The following SDCBP variants were observed in gnomAD, a reference collection of about 807,000 sequenced individuals.
SDCBP encodes the protein syntenin-1.
A neutral mutation model predicts 30.5 loss-of-function variants in SDCBP; 22 were observed. The ratio of observed to expected loss-of-function variants is 0.72; its 90% CI spans 0.52 to 1.03. SDCBP has a LOEUF of 1.03. SDCBP is among the 50% of genes least tolerant of loss of function. SDCBP has a pLI of 0.00. For missense variants in SDCBP, 304 were observed against 369.9 expected, an observed-to-expected ratio of 0.82 and a Z score of 1.46; for synonymous variants, 103 against 118.7, an observed-to-expected ratio of 0.87 and a Z score of 0.86.
intron 1 of SDCBP, among the ~76,000 whole-genome samples, chr8:58,563,585 ATC>A (rs1804549609): frequency 6.6e-6 from 1 of 151,998 alleles, no homozygotes; most frequent in Admixed American, 6.6e-5. Context: ...AAAAAAAACT[ATC>A]TCATACTGTC....
In SDCBP at chr8:58,581,974, G is replaced by C. The variant is rs946011291; in HGVS notation, c.*234G>C. On this transcript the variant is annotated 3_prime_UTR_variant, in exon 9 of 9. Transcript: ENST00000260130. ...ATGTGAAACTTTCAAGAGATTTACT[G>C]ACTTTCCTAGAATAGTTTCTCTACT... The C allele has an allele frequency of 3.2e-5, 16 of 501,832 alleles. No individual in the cohort carries two copies. The highest frequency in any genetic ancestry group is 1.0e-4 in the Admixed American group (3 of 28,694). The allele number at this position is 501,832 out of a possible 1,614,324, so 31.1% of individuals were successfully genotyped here. A position where few individuals can be genotyped will look rare whatever the true frequency, so the allele number is the denominator to read the frequency against.
At chr8:58,574,472 G>A (rs970114786) in intron 4 of SDCBP, among the ~76,000 whole-genome samples, 1 of 152,094 alleles carries the variant, frequency 6.6e-6, no homozygotes, top group African/African-American at 2.4e-5. Flanking sequence ...TCACTACATG[G>A]ATGCTTAGAT....
At chr8:58,555,182 T>C (rs1471140601) in intron 1 of SDCBP, among the ~76,000 whole-genome samples, 2 of 152,236 alleles carry the variant, frequency 1.3e-5, no homozygotes, top group Admixed American at 6.5e-5. Context: ...AGTGCTGCAG[T>C]GAATCAACTT....
chr8:58,557,289 T>C (rs1804185315), intron 1 of SDCBP, among the ~76,000 whole-genome samples: 1 of 134,174 alleles, frequency 7.5e-6, no homozygotes, highest in South Asian at 2.2e-4. Context: ...AATATTTATA[T>C]TTAGATATTT....
intron 2 of SDCBP, among the ~76,000 whole-genome samples, chr8:58,568,223 T>C (rs1804810307): frequency 1.3e-5 from 2 of 152,216 alleles, no homozygotes; most frequent in African/African-American, 4.8e-5. Context: ...ATAAGCTTTT[T>C]TCCTATTTTT....
intron 6 of SDCBP, among the ~76,000 whole-genome samples, 185 bp from the exon 7 acceptor site, chr8:58,579,438 A>G (rs1284495831): frequency 6.6e-6 from 1 of 152,186 alleles, no homozygotes; most frequent in Admixed American, 6.5e-5. Context: ...CATAATGAAT[A>G]AACTTAAAAA....
chr8:58,574,210 T>C (rs1055124262), intron 4 of SDCBP, among the ~76,000 whole-genome samples: 1 of 152,204 alleles, frequency 6.6e-6, no homozygotes, highest in African/African-American at 2.4e-5. Flanking sequence ...TTGATTACTA[T>C]ATGATACTAA....
At chr8:58,576,416 CTTTTT>C (rs113665258) in intron 5 of SDCBP, 17 of 141,286 alleles carry the variant, frequency 1.2e-4, no homozygotes, top group South Asian at 3.9e-4. Context: ...GTCAGTGTGC[CTTTTT>C]TTTTTTTTTT....
chr8:58,577,099 G>A (rs950414338), intron 5 of SDCBP, among the ~76,000 whole-genome samples: 1 of 152,230 alleles, frequency 6.6e-6, no homozygotes, highest in Non-Finnish European at 1.5e-5. Flanking sequence ...CTGTCCTAAA[G>A]AGAAAAGATA....
intron 1 of SDCBP, among the ~76,000 whole-genome samples, chr8:58,564,002 T>C (rs1804573005): frequency 6.6e-6 from 1 of 152,218 alleles, no homozygotes; most frequent in African/African-American, 2.4e-5. Flanking sequence ...AGCTTCTGCA[T>C]GCTTGTGAAA....
In SDCBP at chr8:58,572,283, T is replaced by G. The variant is rs757032692; in HGVS notation, c.209T>G (p.Val70Gly). The G allele has an allele frequency of 3.1e-5, 50 of 1,612,406 alleles. No homozygotes were observed. The South Asian group carries it at 4.7e-4, about 15-fold the overall frequency. ...SLNEEEIRAN[V>G]AVVSGAPLQG... Reference sequence around the variant, plus strand: ...AATGAAGAAGAAATACGTGCAAATGTGGCCGTGGTTTCTGGTGCACCACTT... The same window carrying G: ...AATGAAGAAGAAATACGTGCAAATGGGGCCGTGGTTTCTGGTGCACCACTT... The change falls in exon 4 of 9, where the codon GTG (valine) becomes GGG (glycine). Residue 70 changes from valine (V) to glycine (G), a missense_variant. Val to Gly is a moderately radical substitution (Grantham distance 109). Coordinates refer to ENST00000260130, the MANE Select transcript of SDCBP (RefSeq NM_005625.4).
intron 1 of SDCBP, among the ~76,000 whole-genome samples, chr8:58,557,717 C>T (rs1477084843): frequency 1.3e-5 from 2 of 151,906 alleles, no homozygotes; most frequent in Non-Finnish European, 2.9e-5. Context: ...TGGGCAGTAC[C>T]ATTTCTTTCC....
intron 1 of SDCBP, among the ~76,000 whole-genome samples, chr8:58,557,546 C>T (rs7001752): frequency 0.014 from 2,049 of 141,988 alleles, 56 homozygotes; most frequent in African/African-American, 0.052. Context: ...TGAAAAAGTC[C>T]GAAACTATCC....
rs1805580742 is a variant in SDCBP at position 58,579,807 on chromosome 8, CT to C, written c.750+16del. On this transcript the variant is annotated intron_variant, in intron 7 of 8. Transcript: ENST00000260130. The stretch of plus-strand genomic sequence containing the variant: ...CATTGGATTGAAGGTAAGGAACAGA[CT>C]TTGTGCCATGTTCTGCTGCAGTTTT... 6.4e-7 allele frequency: 1 copy of C among 1,571,520 alleles called. No individual in the cohort carries two copies. Among genetic ancestry groups the C allele is most frequent in the Non-Finnish European group, 8.6e-7 (1 of 1,158,560 alleles).
At position 58,570,977 on chromosome 8, in the gene SDCBP, C is replaced by T; in HGVS notation, c.130+12C>T. ...CCCTCACGATGGAAGTAGGTTTATA[C>T]TTTGAGTTCATTCTCTGTGAACAGA... is the stretch of plus-strand genomic sequence containing the variant. On this transcript the variant is annotated intron_variant, in intron 3 of 8. Transcript: ENST00000260130. 1 of 1,574,238 alleles carries T rather than the reference C, an allele frequency of 6.4e-7. No individual in the cohort carries two copies. The highest frequency in any genetic ancestry group is 8.7e-7 in the Non-Finnish European group (1 of 1,144,612).
chr8:58,578,806 A>G (rs1360266679), intron 6 of SDCBP, among the ~76,000 whole-genome samples: 1 of 152,158 alleles, frequency 6.6e-6, no homozygotes, highest in African/African-American at 2.4e-5. Flanking sequence ...CTTCTCAGTG[A>G]AACTTCTGTT....
chr8:58,579,706 T>C lies in SDCBP; in HGVS notation c.662T>C (p.Ile221Thr). The C allele has an allele frequency of 2.5e-6, 4 of 1,612,532 alleles. No individual in the cohort carries two copies. Among genetic ancestry groups the C allele is most frequent in the Non-Finnish European group, 3.4e-6 (4 of 1,179,382 alleles). ...TTTAAAAATGGAAAAATAACATCCA[T>C]AGTGAAAGATAGCTCTGCAGCCAGA... Reference protein sequence around the residue: ...FIFKNGKITSIVKDSSAARNG... With the variant: ...FIFKNGKITSTVKDSSAARNG... The change falls in exon 7 of 9, where the codon ATA becomes ACA. Residue 221 changes from isoleucine (I) to threonine (T), a missense_variant. Transcript: ENST00000260130.
intron 5 of SDCBP, 70 bp downstream of exon 5, chr8:58,576,131 A>G: frequency 8.7e-7 from 1 of 1,146,494 alleles, no homozygotes; most frequent in Non-Finnish European, 1.3e-6. Flanking sequence ...TGTTAAAATA[A>G]TTTGAAATGG....
chr8:58,559,424 G>A (rs1441102550), intron 1 of SDCBP, among the ~76,000 whole-genome samples: 2 of 152,078 alleles, frequency 1.3e-5, no homozygotes, highest in East Asian at 1.9e-4. Context: ...GTTTAAATAA[G>A]GCAAAAAATT....
Sources: allele counts gnomAD v4.1 joint callset (sites outside exome capture counted in the v4.1 genomes callset), GRCh38; gene constraint gnomAD v4.1.1; transcripts MANE v1.5; gene names NCBI Gene and HGNC (gene_info 2026-07-23, HGNC 2026-07-21).